Variants in RARB observed in about 807,000 individuals in gnomAD.
RARB encodes the protein retinoic acid receptor beta, also known as HBV-activated protein.
In RARB, 17 loss-of-function variants were observed where a neutral mutation model predicts 51.9. The ratio of observed to expected loss-of-function variants is 0.33; its 90% confidence interval spans 0.22 to 0.49. The LOEUF (loss-of-function observed/expected upper bound fraction) is 0.49. RARB is among the 20% of genes least tolerant of loss of function. RARB has a pLI of 0.99. For synonymous variants in RARB, 215 were observed against 195.4 expected (o/e 1.10, Z -0.84); for missense variants, 369 against 550.8 (o/e 0.67, Z 3.30).
At chr3:25,090,958 T>C (rs1699187463) in intron 3 of RARB, among the ~76,000 whole-genome samples, 1 of 152,170 alleles carries the variant, frequency 6.6e-6, no homozygotes, top group African/African-American at 2.4e-5. Flanking sequence ...TGAAGCCTAT[T>C]GGCTGTGTTC....
chr3:25,461,181 T>C lies in RARB; in HGVS notation c.158-12T>C. 6.4e-7 allele frequency: 1 copy of C among 1,565,020 alleles called. No individual in the cohort carries two copies. Among genetic ancestry groups the C allele is most frequent in the South Asian group, 1.2e-5 (1 of 84,096 alleles). On this transcript the variant is annotated splice_polypyrimidine_tract_variant and intron_variant, in intron 1 of 7. Transcript: ENST00000330688. ...TTCTCTTTTTTCTCCCTCTACCCCA[T>C]CTCTATTATAGCAATTGAAACACAG...
chr3:24,883,356 T>TTGTGTGTGTGTGTGTGTGTGTGTG (rs3057218), intron 2 of RARB, among the ~76,000 whole-genome samples: 2 of 143,774 alleles, frequency 1.4e-5, no homozygotes, highest in South Asian at 2.3e-4. Context: ...TCAACAATCA[T>TTGTGTGTGTGTGTGTGTGTGTGTG]TGTGTGTGTG....
rs913780192 is a variant in RARB, at chr3:24,947,848, A to AATCATT, written c.-380+89097_-380+89102dup. Among the ~76,000 whole-genome samples, 12 of 152,222 alleles carry AATCATT rather than the reference A, an allele frequency of 7.9e-5. No individual in the cohort carries two copies. The East Asian group carries it at 2.3e-3, about 29-fold the overall frequency. ...GTGTGACTCTGGCCCAATTATTTAG[A>AATCATT]ATCATTTTTTTCTCTTCATATCTGT... On this transcript the variant is annotated intron_variant, in intron 2 of 11. Transcript: ENST00000383772.
At chr3:25,094,528 G>T (rs1385577399) in intron 3 of RARB, among the ~76,000 whole-genome samples, 4 of 151,712 alleles carry the variant, frequency 2.6e-5, no homozygotes, top group Non-Finnish European at 5.9e-5. Context: ...AACAGCTTGG[G>T]CAACTTGGCA....
At chr3:24,961,217 TAAAAAAATAAATATTTATTG>T (rs1198942735) in intron 2 of RARB, among the ~76,000 whole-genome samples, 1 of 152,204 alleles carries the variant, frequency 6.6e-6, no homozygotes, top group African/African-American at 2.4e-5. Flanking sequence ...GTTGTTCAAT[TAAAAAAATAAATATTTATTG>T]AACATCTACT....
rs371095464 is a variant in RARB, at chr3:25,030,772, A to G, written c.-379-29353A>G. On this transcript the variant is annotated intron_variant, in intron 2 of 11. Coordinates refer to the RARB transcript ENST00000383772. ...GTGTCATGTTCGGGTGCTCTCTTGC[A>G]TTTACCAAATGTGCCTGTCTGGTTT... is the stretch of plus-strand genomic sequence containing the variant. Among the ~76,000 whole-genome samples the G allele has an allele frequency of 1.2e-4, 18 of 152,314 alleles. No individual in the cohort carries two copies. The South Asian group carries it at 3.5e-3, about 30-fold the overall frequency.
chr3:25,407,440 C>G (rs56032509), intron 5 of RARB, among the ~76,000 whole-genome samples: 47,090 of 151,986 alleles, frequency 0.31, 8,616 homozygotes, highest in East Asian at 0.61. Flanking sequence ...TTACAAGAGA[C>G]CTGCTTAAAT....
chr3:25,046,711 TC>T (rs1234039773), intron 2 of RARB, among the ~76,000 whole-genome samples: 1 of 152,174 alleles, frequency 6.6e-6, no homozygotes, highest in Admixed American at 6.5e-5. Context: ...CACCTCGGCC[TC>T]CCAAAATGCT....
rs149150063 is a variant in RARB, at chr3:24,894,701, C to T, written c.-380+35949C>T. On this transcript the variant is annotated intron_variant, in intron 2 of 11. Transcript: ENST00000383772. ...ACTTAGCCAGTTTACTCTTGGCTAG[C>T]GATGACAAAACAATACCAATATAAA... Among the ~76,000 whole-genome samples, 1,432 of 152,216 alleles carry T rather than the reference C, an allele frequency of 9.4e-3. 29 individuals are homozygous for T. Among genetic ancestry groups the T allele is most frequent in the African/African-American group, 0.033 (1,349 of 41,498 alleles).
At chr3:25,399,627 A>G (rs1313782086) in intron 5 of RARB, among the ~76,000 whole-genome samples, 6 of 152,174 alleles carry the variant, frequency 3.9e-5, no homozygotes, top group Non-Finnish European at 8.8e-5. Context: ...TGAGTCCTGA[A>G]CTTCCTAACT....
chr3:25,071,359 C>G (rs920494425), intron 3 of RARB, among the ~76,000 whole-genome samples: 5 of 152,156 alleles, frequency 3.3e-5, no homozygotes, highest in African/African-American at 9.7e-5. Context: ...TGCCATGATA[C>G]TTTGGATTTA....
chr3:24,886,678 G>A (rs1210665222), intron 2 of RARB, among the ~76,000 whole-genome samples: 1 of 152,036 alleles, frequency 6.6e-6, no homozygotes, highest in African/African-American at 2.4e-5. Context: ...CTGAGAGTGA[G>A]TGATTTGCCT....
chr3:25,013,743 G>A (rs1173374212), intron 2 of RARB, among the ~76,000 whole-genome samples: 1 of 152,066 alleles, frequency 6.6e-6, no homozygotes, highest in African/African-American at 2.4e-5. Context: ...CCATGTGCTG[G>A]TCAGAAAGGT....
intron 5 of RARB, among the ~76,000 whole-genome samples, chr3:25,419,382 C>T (rs867497224): frequency 1.1e-4 from 16 of 152,138 alleles, no homozygotes; most frequent in African/African-American, 3.6e-4. Flanking sequence ...GAGGGATTTT[C>T]CCTAAGCTGC....
At chr3:25,555,999 C>T (rs925694421) in intron 3 of RARB, among the ~76,000 whole-genome samples, 5 of 127,644 alleles carry the variant, frequency 3.9e-5, no homozygotes, top group African/African-American at 1.6e-4. Flanking sequence ...GTTTCTTGGA[C>T]ATCTTGTATT....
At chr3:25,157,940 C>T (rs1447922025) in intron 4 of RARB, among the ~76,000 whole-genome samples, 1 of 151,984 alleles carries the variant, frequency 6.6e-6, no homozygotes, top group Admixed American at 6.6e-5. Flanking sequence ...ATTGTTTATC[C>T]AGAATGTCTG....
intron 5 of RARB, among the ~76,000 whole-genome samples, chr3:25,357,325 A>G (rs1337800039): frequency 6.6e-6 from 1 of 152,154 alleles, no homozygotes; most frequent in African/African-American, 2.4e-5. Flanking sequence ...TTTCAAAAGT[A>G]TCTGCTCATA....
intron 5 of RARB, among the ~76,000 whole-genome samples, chr3:25,202,438 A>G (rs955346875): frequency 1.8e-4 from 28 of 152,018 alleles, no homozygotes; most frequent in Non-Finnish European, 4.0e-4. Flanking sequence ...TATCTCCTTC[A>G]GTTCTGCTCT....
At chr3:24,854,758 C>T (rs1702610698) in intron 1 of RARB, among the ~76,000 whole-genome samples, 1 of 152,250 alleles carries the variant, frequency 6.6e-6, no homozygotes, top group East Asian at 1.9e-4. Context: ...TGCCAGGTGG[C>T]TCCCCCACCC....
Sources: allele counts gnomAD v4.1 joint callset (sites outside exome capture counted in the v4.1 genomes callset), GRCh38; gene constraint gnomAD v4.1.1; transcripts MANE v1.5; gene names NCBI Gene and HGNC (gene_info 2026-07-23, HGNC 2026-07-21).